CDYL2: variants seen among roughly 807,000 people sequenced by gnomAD.
CDYL2 encodes chromodomain Y like 2.
A neutral mutation model predicts 49.4 loss-of-function variants in CDYL2; 23 were observed. The observed-to-expected ratio is 0.47, with a 90% CI of 0.34 to 0.66. The LOEUF (loss-of-function observed/expected upper bound fraction) is 0.66. CDYL2 is among the 30% of genes least tolerant of loss of function. CDYL2 has a pLI of 0.01. For synonymous variants in CDYL2, 360 were observed against 268.8 expected, an observed-to-expected ratio of 1.34 and a Z score of -3.32; for missense variants, 678 against 656.4, an observed-to-expected ratio of 1.03 and a Z score of -0.36.
At chr16:80,704,995 G>A (rs1192158226) in intron 1 of CDYL2, among the ~76,000 whole-genome samples, 1 of 152,208 alleles carries the variant, frequency 6.6e-6, no homozygotes, top group Non-Finnish European at 1.5e-5. Flanking sequence ...GTCCAGCTAG[G>A]AGCTAGACCT....
chr16:80,735,331 G>A (rs1407648529), intron 1 of CDYL2, among the ~76,000 whole-genome samples: 7 of 152,090 alleles, frequency 4.6e-5, no homozygotes, highest in African/African-American at 1.7e-4. Context: ...ATTTTTTTCT[G>A]AGAAAAATAA....
Position 80,603,543 on chromosome 16 carries a change from T to C in CDYL2, c.*845A>G, listed in dbSNP as rs1183245356. ...TCTGTTTTCATCTCTCTAAACTTTA[T>C]TTCTACATGGTTCATTGCTAGAATG... On this transcript the variant is annotated 3_prime_UTR_variant, in exon 7 of 7. Coordinates refer to ENST00000570137, the MANE Select transcript of CDYL2 (RefSeq NM_152342.4). 1 of 152,420 alleles carries C rather than the reference T, an allele frequency of 6.6e-6. No individual in the cohort carries two copies. Among genetic ancestry groups the C allele is most frequent in the African/African-American group, 2.4e-5 (1 of 41,450 alleles). 9.4% of individuals were successfully genotyped at this position (152,420 alleles called of 1,614,324 possible).
chr16:80,734,109 C>G (rs1264783872), intron 1 of CDYL2, among the ~76,000 whole-genome samples: 1 of 152,186 alleles, frequency 6.6e-6, no homozygotes, highest in African/African-American at 2.4e-5. Context: ...CCTTTAGATA[C>G]TTGGATGGGC....
intron 1 of CDYL2, among the ~76,000 whole-genome samples, chr16:80,778,491 T>C (rs576746825): frequency 6.6e-6 from 1 of 152,020 alleles, no homozygotes. Flanking sequence ...AAAACCCTCT[T>C]CACAAAGGCA....
In CDYL2 at chr16:80,684,547, T is replaced by C. The variant is rs1910098516; in HGVS notation, c.607A>G (p.Asn203Asp). The stretch of plus-strand genomic sequence containing the variant: ...AAGAAAAGCTACAAACCGAGCCCGT[T>C]CTCCGCCAGTGTAGCGTGATTCACG... ...CDVNHATLAE[N>D]GLGSALTNGG... The change falls in exon 2 of 7, where the codon AAC (asparagine) becomes GAC (aspartate). Residue 203 changes from asparagine to aspartate, a missense_variant. Asn to Asp is a conservative substitution (Grantham distance 23). Transcript: ENST00000570137. The C allele has an allele frequency of 1.2e-6, 2 of 1,611,966 alleles. No homozygotes were observed. The highest frequency in any genetic ancestry group is 1.7e-6 in the Non-Finnish European group (2 of 1,178,470).
chr16:80,641,761 G>C (rs56282932), intron 2 of CDYL2, among the ~76,000 whole-genome samples: 4 of 104,360 alleles, frequency 3.8e-5, no homozygotes, highest in South Asian at 4.1e-4. Context: ...GTGGGGGGAG[G>C]GGGGAGGGAT....
chr16:80,643,399 G>C (rs1400108913), intron 2 of CDYL2, among the ~76,000 whole-genome samples: 1 of 152,216 alleles, frequency 6.6e-6, no homozygotes, highest in South Asian at 2.1e-4. Flanking sequence ...AGCACAAGCT[G>C]TCAGTGGATT....
At chr16:80,755,217 GC>G (rs1237902361) in intron 1 of CDYL2, among the ~76,000 whole-genome samples, 1 of 152,160 alleles carries the variant, frequency 6.6e-6, no homozygotes, top group Non-Finnish European at 1.5e-5. Flanking sequence ...CTCCTATGTG[GC>G]AGTAGGGACT....
chr16:80,631,198 T>A (rs1597135232), intron 3 of CDYL2, among the ~76,000 whole-genome samples: 1 of 152,196 alleles, frequency 6.6e-6, no homozygotes, highest in Non-Finnish European at 1.5e-5. Context: ...TTTTCTCATC[T>A]ATACAATGTG....
At chr16:80,801,390 A>G (rs952698020) in intron 1 of CDYL2, among the ~76,000 whole-genome samples, 6 of 152,256 alleles carry the variant, frequency 3.9e-5, no homozygotes, top group African/African-American at 1.4e-4. Context: ...TTTAAAAATC[A>G]GCACCTATTC....
intron 1 of CDYL2, among the ~76,000 whole-genome samples, chr16:80,778,494 C>T (rs1334283909): frequency 6.6e-6 from 1 of 151,926 alleles, no homozygotes; most frequent in Non-Finnish European, 1.5e-5. Flanking sequence ...ACCCTCTTCA[C>T]AAAGGCAACA....
intron 1 of CDYL2, among the ~76,000 whole-genome samples, chr16:80,691,360 T>G (rs1338949277): frequency 6.6e-6 from 1 of 152,158 alleles, no homozygotes; most frequent in African/African-American, 2.4e-5. Context: ...TTAGATTGCT[T>G]CAGCTAATCT....
chr16:80,718,701 T>G (rs1330217113), intron 1 of CDYL2, among the ~76,000 whole-genome samples: 1 of 152,092 alleles, frequency 6.6e-6, no homozygotes, highest in Non-Finnish European at 1.5e-5. Context: ...CAGTAGATGG[T>G]AGGTGGTGTC....
chr16:80,690,126 TA>T (rs531660193), intron 1 of CDYL2, among the ~76,000 whole-genome samples: 11 of 133,796 alleles, frequency 8.2e-5, no homozygotes, highest in African/African-American at 8.4e-5. Context: ...GTCTCAAAAA[TA>T]AAAAAAAAAT....
At chr16:80,654,856 A>C (rs1416550208) in intron 2 of CDYL2, among the ~76,000 whole-genome samples, 1 of 152,252 alleles carries the variant, frequency 6.6e-6, no homozygotes, top group East Asian at 1.9e-4. Context: ...AAAATGATTC[A>C]GTGAACTTCG....
chr16:80,677,486 C>T (rs1030847983), intron 2 of CDYL2, among the ~76,000 whole-genome samples: 1 of 152,114 alleles, frequency 6.6e-6, no homozygotes, highest in African/African-American at 2.4e-5. Flanking sequence ...CGCCTGGAAT[C>T]CCAGCACTTT....
At chr16:80,778,685 T>G (rs140159297) in intron 1 of CDYL2, among the ~76,000 whole-genome samples, 1,654 of 152,108 alleles carry the variant, frequency 0.011, 31 homozygotes, top group African/African-American at 0.037. Context: ...TTAAAAGAAG[T>G]ACCTCATCTG....
chr16:80,779,471 G>T (rs1308713636), intron 1 of CDYL2, among the ~76,000 whole-genome samples: 1 of 152,030 alleles, frequency 6.6e-6, no homozygotes, highest in Non-Finnish European at 1.5e-5. Context: ...AGTATTATCA[G>T]AAGTCTTTAC....
chr16:80,632,669 A>T (rs1402425977), intron 3 of CDYL2: 1 of 276,120 alleles, frequency 3.6e-6, no homozygotes, highest in Non-Finnish European at 7.1e-6. Context: ...TCTGCGGCCA[A>T]CAAATATGAC....
Sources: allele counts gnomAD v4.1 joint callset (sites outside exome capture counted in the v4.1 genomes callset), GRCh38; gene constraint gnomAD v4.1.1; transcripts MANE v1.5; gene names NCBI Gene and HGNC (gene_info 2026-07-23, HGNC 2026-07-21).